Variants in CSMD3 observed in about 807,000 individuals in gnomAD.
CSMD3 encodes the protein CUB and sushi domain-containing protein 3.
A neutral mutation model predicts 435.2 loss-of-function variants in CSMD3; 177 were observed. The observed-to-expected ratio is 0.41, with a 90% CI of 0.36 to 0.46. The LOEUF is 0.46. Among genes scored for constraint, CSMD3 ranks in the 20% least tolerant of loss-of-function variants. The probability of loss-of-function intolerance (pLI) is 0.34; values close to 1 mark genes in which losing one functional copy is unlikely to be tolerated. For synonymous variants in CSMD3, 1,656 were observed against 1,520.5 expected (o/e 1.09, Z -2.07); for missense variants, 4,265 against 4,504.6 (o/e 0.95, Z 1.52).
chr8:113,141,650 A>C (rs1393682957), intron 4 of CSMD3, among the ~76,000 whole-genome samples: 1 of 151,062 alleles, frequency 6.6e-6, no homozygotes, highest in Admixed American at 6.6e-5. Context: ...TGATTTAAAA[A>C]AACTCAGAAA....
chr8:112,639,277 A>T (rs1389130043), intron 20 of CSMD3, among the ~76,000 whole-genome samples: 1 of 152,106 alleles, frequency 6.6e-6, no homozygotes, highest in Non-Finnish European at 1.5e-5. Flanking sequence ...TTCTTCTCCA[A>T]TCCCTTCGAC....
At chr8:113,093,390 C>G (rs1044325809) in intron 5 of CSMD3, among the ~76,000 whole-genome samples, 2 of 151,836 alleles carry the variant, frequency 1.3e-5, no homozygotes, top group Non-Finnish European at 2.9e-5. Flanking sequence ...GAAAAAGATA[C>G]AAGAAAGAAA....
At position 112,975,875 on chromosome 8, in the gene CSMD3, A is replaced by G. The variant is rs2084827289; in HGVS notation, c.1304T>C (p.Ile435Thr). ...TRRRPRHAEQ[I>T]ERTKELAVVT... ...AACTGCAAGCTCTTTAGTTCTTTCT[A>G]TCTGTTCAGCATGTCTTGGTCTTCT... is the stretch of plus-strand genomic sequence containing the variant. Residue 435 changes from isoleucine (I) to threonine (T), a missense_variant, in exon 7 of 71, where the codon ATA (isoleucine) becomes ACA (threonine). Physicochemically the swap from Ile to Thr is moderately conservative, Grantham distance 89. Around this residue, in one of 3 missense-constraint regions of CSMD3, gnomAD observed 731 missense variants for 755.4 expected, o/e 0.97. Transcript: ENST00000297405. The G allele has an allele frequency of 1.9e-6, 3 of 1,613,642 alleles. No homozygotes were observed. Among genetic ancestry groups the G allele is most frequent in the Non-Finnish European group, 2.5e-6 (3 of 1,179,890 alleles).
In CSMD3 at chr8:112,301,860, A is replaced by C. The variant is rs757400763; in HGVS notation, c.8373T>G (p.Leu2791=). Residue 2791 remains leucine, a synonymous_variant, in exon 53 of 71, where the codon CTT becomes CTG. Coordinates refer to ENST00000297405, the MANE Select transcript of CSMD3 (RefSeq NM_198123.2). Reference sequence around the variant, plus strand: ...GGCATTCCCTTACAGCAGAGCCCACAAGCATGAATCCCAAGTCGCAGGTAA... The same window carrying C: ...GGCATTCCCTTACAGCAGAGCCCACCAGCATGAATCCCAAGTCGCAGGTAA... The part of the protein sequence containing the change: ...AIFTCDLGFM[L]VGSAVRECLS... 4.3e-6 allele frequency: 7 copies of C among 1,613,878 alleles called. No homozygotes were observed. The highest frequency in any genetic ancestry group is 5.9e-6 in the Non-Finnish European group (7 of 1,179,830).
At chr8:112,915,476 T>C (rs2130574069) in intron 10 of CSMD3, among the ~76,000 whole-genome samples, 1 of 151,994 alleles carries the variant, frequency 6.6e-6, no homozygotes, top group Admixed American at 6.6e-5. Context: ...AATTAAAATA[T>C]TTATTTCCCA....
At chr8:112,927,118 T>C (rs2082936504) in intron 9 of CSMD3, among the ~76,000 whole-genome samples, 1 of 152,178 alleles carries the variant, frequency 6.6e-6, no homozygotes, top group African/African-American at 2.4e-5. Context: ...AGTCTAATTA[T>C]TCTCTAAATG....
At chr8:113,164,373 C>T (rs1483216301) in intron 4 of CSMD3, among the ~76,000 whole-genome samples, 5 of 148,676 alleles carry the variant, frequency 3.4e-5, no homozygotes, top group East Asian at 2.0e-4. Flanking sequence ...CAACAAATGT[C>T]GGGAGCAGTA....
chr8:112,545,258 C>T (rs963458693), intron 27 of CSMD3, among the ~76,000 whole-genome samples: 1 of 151,758 alleles, frequency 6.6e-6, no homozygotes, highest in Non-Finnish European at 1.5e-5. Context: ...CTGAGGCGGG[C>T]GGATCACAAG....
chr8:112,323,239 A>G (rs1823169002), intron 45 of CSMD3, among the ~76,000 whole-genome samples: 1 of 152,068 alleles, frequency 6.6e-6, no homozygotes, highest in Non-Finnish European at 1.5e-5. Context: ...CTTAATCATA[A>G]GTAGCTTGCA....
intron 1 of CSMD3, among the ~76,000 whole-genome samples, chr8:113,325,927 T>C (rs775344357): frequency 6.6e-6 from 1 of 152,172 alleles, no homozygotes; most frequent in Non-Finnish European, 1.5e-5. Context: ...GATGAAAAAC[T>C]ACAGTGCCAA....
chr8:112,242,293 A>G (rs1311066885), intron 65 of CSMD3, among the ~76,000 whole-genome samples: 1 of 152,158 alleles, frequency 6.6e-6, no homozygotes, highest in African/African-American at 2.4e-5. Flanking sequence ...AAACCAAATA[A>G]ATCATGTAGG....
rs763889329 is a variant in CSMD3, at chr8:112,383,588, G to A, written c.6010C>T (p.Pro2004Ser). 1.9e-6 allele frequency: 3 copies of A among 1,589,980 alleles called. No homozygotes were observed. The highest frequency in any genetic ancestry group is 3.3e-5 in the Admixed American group (2 of 59,952). The change falls in exon 37 of 71, where the codon CCA (proline) becomes TCA (serine). Residue 2004 changes from proline (P) to serine (S), a missense_variant. Physicochemically the swap from Pro to Ser is moderately conservative, Grantham distance 74. Coordinates refer to ENST00000297405, the MANE Select transcript of CSMD3 (RefSeq NM_198123.2). ...TTACCTGAATAGCTTCCAAGTCTTG[G>A]AGCATTGTTGTCTCCCCCATCATAA... ...DFYDGGDNNA[P>S]RLGSYSGTTI... is the part of the protein sequence containing the mutation.
At chr8:112,763,482 C>T (rs1489353901) in intron 13 of CSMD3, among the ~76,000 whole-genome samples, 1 of 149,880 alleles carries the variant, frequency 6.7e-6, no homozygotes, top group South Asian at 2.1e-4. Flanking sequence ...AATAGCATCA[C>T]CATTTTATTC....
Position 112,636,860 on chromosome 8 carries a change from A to G in CSMD3, c.3672T>C (p.Gly1224=). 6.2e-7 allele frequency: 1 copy of G among 1,613,534 alleles called. No homozygotes were observed. The highest frequency in any genetic ancestry group is 8.5e-7 in the Non-Finnish European group (1 of 1,179,714). The change falls in exon 22 of 71, where the codon GGT becomes GGC. Residue 1224 remains glycine, a synonymous_variant. Coordinates refer to ENST00000297405, the MANE Select transcript of CSMD3 (RefSeq NM_198123.2). ...GTGCACTCCACACTCGTCGGCCACC[A>G]CCAAGACAGATGATCTCTGATGTTC... ...LEGTSEIICL[G]GGRRVWSAPL...
intron 11 of CSMD3, among the ~76,000 whole-genome samples, chr8:112,844,590 G>T (rs1343780560): frequency 1.3e-5 from 2 of 151,946 alleles, no homozygotes; most frequent in East Asian, 1.9e-4. Context: ...TCCTAGAAGG[G>T]TTAGACACCA....
chr8:113,032,457 T>A (rs1416982198), intron 5 of CSMD3, among the ~76,000 whole-genome samples: 3 of 151,484 alleles, frequency 2.0e-5, no homozygotes, highest in Non-Finnish European at 4.4e-5. Context: ...GCTCTAGAGA[T>A]TTATGGAACT....
At chr8:112,922,766 C>T (rs183881875) in intron 9 of CSMD3, among the ~76,000 whole-genome samples, 22 of 152,154 alleles carry the variant, frequency 1.4e-4, no homozygotes, top group African/African-American at 5.1e-4. Flanking sequence ...TGTCATCTCT[C>T]ACTCATTGTG....
intron 3 of CSMD3, among the ~76,000 whole-genome samples, chr8:113,193,396 C>T (rs2092612251): frequency 6.6e-6 from 1 of 151,312 alleles, no homozygotes; most frequent in African/African-American, 2.4e-5. Context: ...TTTAGAGGTT[C>T]TTAATGCCAC....
At chr8:112,816,328 G>A (rs530499738) in intron 12 of CSMD3, among the ~76,000 whole-genome samples, 303 of 152,202 alleles carry the variant, frequency 2.0e-3, no homozygotes, top group African/African-American at 7.1e-3. Flanking sequence ...AGAGGAAAGC[G>A]AGGGTGCAAG....
Sources: allele counts gnomAD v4.1 joint callset (sites outside exome capture counted in the v4.1 genomes callset), GRCh38; gene constraint gnomAD v4.1.1; regional missense constraint gnomAD v4.1.1; transcripts MANE v1.5; gene names NCBI Gene and HGNC (gene_info 2026-07-23, HGNC 2026-07-21).